AGBL4: variants seen among roughly 807,000 people sequenced by gnomAD.
AGBL4 encodes the protein cytosolic carboxypeptidase 6.
AGBL4 carries 58 observed loss-of-function variants against 66.4 expected under a neutral mutation model. That is an observed-to-expected ratio of 0.87 (90% CI 0.71 to 1.09). AGBL4 has a LOEUF of 1.09. AGBL4 is among the 50% of genes least tolerant of loss of function. The pLI is 0.00. For missense variants in AGBL4, 579 were observed against 631.0 expected, an observed-to-expected ratio of 0.92 and a Z score of 0.88; for synonymous variants, 234 against 222.9, an observed-to-expected ratio of 1.05 and a Z score of -0.44.
rs1160293505 is a variant in AGBL4, at chr1:49,329,695, A to G, written c.283-83831T>C. ...GCCAAAAAAAAGCACATGTGAACAC[A>G]TGTGAACATTCCTCATGCTATTTTC... On this transcript the variant is annotated intron_variant, in intron 3 of 13. Transcript: ENST00000371839. 2.0e-5 allele frequency among the ~76,000 whole-genome samples: 3 copies of G among 150,602 alleles called. No individual in the cohort carries two copies. In the East Asian group the frequency reaches 6.0e-4, roughly 30 times the overall value.
In AGBL4 at chr1:49,276,298, C is replaced by T. The variant is rs80238219; in HGVS notation, c.283-30434G>A. 5.1e-3 allele frequency among the ~76,000 whole-genome samples: 781 copies of T among 152,114 alleles called. 3 individuals are homozygous for T. Among genetic ancestry groups the T allele is most frequent in the Non-Finnish European group, 9.1e-3 (618 of 67,972 alleles). On this transcript the variant is annotated intron_variant, in intron 3 of 13. Transcript: ENST00000371839. ...CTGCTTATTCCAGTTTGTTTTCTCCCGCTCCTTTGCCTATCTGTACCTAAC... is the reference window on the plus strand; with the variant it reads ...CTGCTTATTCCAGTTTGTTTTCTCCTGCTCCTTTGCCTATCTGTACCTAAC...
At chr1:48,709,083 T>C (rs1186042078) in intron 6 of AGBL4, among the ~76,000 whole-genome samples, 2 of 152,182 alleles carry the variant, frequency 1.3e-5, no homozygotes, top group Non-Finnish European at 2.9e-5. Flanking sequence ...TCTCTATCAC[T>C]AAAAGGAAGG....
chr1:48,964,469 A>G (rs769250967), intron 5 of AGBL4, among the ~76,000 whole-genome samples: 1 of 152,238 alleles, frequency 6.6e-6, no homozygotes, highest in Non-Finnish European at 1.5e-5. Context: ...ACATGAGATC[A>G]TGGATAGAGA....
At chr1:48,606,062 C>T (rs1225239343) in intron 9 of AGBL4, among the ~76,000 whole-genome samples, 1 of 152,174 alleles carries the variant, frequency 6.6e-6, no homozygotes, top group Non-Finnish European at 1.5e-5. Context: ...TAAAGTGTAA[C>T]ACTTTAATCA....
At chr1:49,529,577 G>A (rs1030278447) in intron 3 of AGBL4, among the ~76,000 whole-genome samples, 3 of 152,108 alleles carry the variant, frequency 2.0e-5, no homozygotes, top group Admixed American at 1.3e-4. Flanking sequence ...TACTCAGGAC[G>A]CTGAGGTATG....
intron 1 of AGBL4, among the ~76,000 whole-genome samples, chr1:49,978,292 A>C (rs1014704745): frequency 9.2e-5 from 14 of 152,142 alleles, no homozygotes; most frequent in Non-Finnish European, 1.5e-4. Flanking sequence ...TTACAAAAAA[A>C]AATTAGCCAG....
chr1:49,348,301 C>T (rs1395421327), intron 3 of AGBL4, among the ~76,000 whole-genome samples: 3 of 152,066 alleles, frequency 2.0e-5, no homozygotes, highest in Non-Finnish European at 4.4e-5. Flanking sequence ...GCCTGTAGTC[C>T]CAGCTACTGG....
intron 2 of AGBL4, among the ~76,000 whole-genome samples, chr1:49,804,794 A>C (rs1242313915): frequency 6.6e-6 from 1 of 152,246 alleles, no homozygotes; most frequent in Non-Finnish European, 1.5e-5. Context: ...TTTGAGAATC[A>C]GGCTTTTCAC....
At chr1:49,693,070 A>C (rs1646920152) in intron 3 of AGBL4, among the ~76,000 whole-genome samples, 1 of 152,214 alleles carries the variant, frequency 6.6e-6, no homozygotes, top group Non-Finnish European at 1.5e-5. Context: ...TGAAGTTTCA[A>C]AACAAGTGAG....
chr1:49,798,547 T>C (rs1046352367), intron 2 of AGBL4, among the ~76,000 whole-genome samples: 4 of 152,224 alleles, frequency 2.6e-5, no homozygotes, highest in African/African-American at 9.6e-5. Context: ...GATTTTATTG[T>C]CTAGTTTGAT....
At chr1:48,660,139 C>T (rs1311940454) in intron 7 of AGBL4, among the ~76,000 whole-genome samples, 2 of 152,202 alleles carry the variant, frequency 1.3e-5, no homozygotes, top group African/African-American at 4.8e-5. Flanking sequence ...ATAGTTTGGC[C>T]TCACAGAGGT....
chr1:49,364,777 C>G (rs1398904608), intron 3 of AGBL4, among the ~76,000 whole-genome samples: 1 of 152,164 alleles, frequency 6.6e-6, no homozygotes, highest in Non-Finnish European at 1.5e-5. Context: ...CGTGCCGGGC[C>G]CATGTGCGTA....
intron 2 of AGBL4, among the ~76,000 whole-genome samples, chr1:49,847,095 A>G (rs1020800719): frequency 6.6e-6 from 1 of 152,334 alleles, no homozygotes; most frequent in East Asian, 1.9e-4. Context: ...ATTAACATCA[A>G]TTAAAGAATA....
intron 6 of AGBL4, among the ~76,000 whole-genome samples, chr1:48,821,636 T>C (rs946280422): frequency 6.6e-6 from 1 of 152,092 alleles, no homozygotes; most frequent in African/African-American, 2.4e-5. Context: ...AAATGACCTG[T>C]TGGGGACAAC....
chr1:49,937,819 T>A (rs902253829), intron 1 of AGBL4, among the ~76,000 whole-genome samples: 14 of 152,068 alleles, frequency 9.2e-5, no homozygotes, highest in Non-Finnish European at 1.5e-4. Context: ...CATACCAGAA[T>A]GTCTGGGACA....
chr1:49,283,882 T>C (rs1366310834), intron 3 of AGBL4, among the ~76,000 whole-genome samples: 8 of 147,774 alleles, frequency 5.4e-5, no homozygotes, highest in African/African-American at 1.5e-4. Context: ...AAAGACCAAA[T>C]CTACGTCTGA....
intron 3 of AGBL4, among the ~76,000 whole-genome samples, chr1:49,641,248 C>G (rs1267421691): frequency 2.0e-5 from 3 of 152,054 alleles, no homozygotes; most frequent in Non-Finnish European, 4.4e-5. Flanking sequence ...GTCAAAATAA[C>G]TGATTAATTA....
Position 49,331,179 on chromosome 1 carries a change from C to T in AGBL4, c.283-85315G>A, listed in dbSNP as rs190152639. Among the ~76,000 whole-genome samples the T allele has an allele frequency of 7.9e-5, 12 of 152,216 alleles. No homozygotes were observed. In the East Asian group the frequency reaches 1.5e-3, roughly 20 times the overall value. On this transcript the variant is annotated intron_variant, in intron 3 of 13. Coordinates refer to ENST00000371839, the MANE Select transcript of AGBL4 (RefSeq NM_032785.4). ...CACAGAGACCCAGGAGGTTTACTTA[C>T]TCCTACCCCAGGACCCCAGAGAAAG...
At chr1:48,986,849 T>C (rs141809868) in intron 5 of AGBL4, among the ~76,000 whole-genome samples, 190 of 152,202 alleles carry the variant, frequency 1.2e-3, no homozygotes, top group African/African-American at 4.4e-3. Flanking sequence ...GGGTTTATAA[T>C]GGAAAATATA....
Sources: allele counts gnomAD v4.1 joint callset (sites outside exome capture counted in the v4.1 genomes callset), GRCh38; gene constraint gnomAD v4.1.1; transcripts MANE v1.5; gene names NCBI Gene and HGNC (gene_info 2026-07-23, HGNC 2026-07-21).